Variants in SEC13 observed in about 807,000 individuals in gnomAD.
SEC13 encodes the protein SEC13 homolog, nuclear pore and COPII component.
Under a neutral mutation model 49.2 loss-of-function variants are expected in SEC13, and 25 were observed. The observed-to-expected ratio is 0.51, with a 90% CI of 0.37 to 0.71. SEC13 has a LOEUF of 0.71. Among genes scored for constraint, SEC13 ranks in the 30% least tolerant of loss-of-function variants. The pLI is 0.00. For missense variants in SEC13, 383 were observed against 417.6 expected, an observed-to-expected ratio of 0.92 and a Z score of 0.72; for synonymous variants, 148 against 163.9, an observed-to-expected ratio of 0.90 and a Z score of 0.74.
intron 3 of SEC13, chr3:10,314,103 T>C (rs561407877): frequency 1.2e-4 from 18 of 151,490 alleles, no homozygotes; most frequent in African/African-American, 4.3e-4. Flanking sequence ...AATTCAATTA[T>C]AAATTATACA....
At chr3:10,304,841 C>T (rs1018710829) in intron 7 of SEC13, among the ~76,000 whole-genome samples, 192 bp downstream of exon 7, 2 of 152,236 alleles carry the variant, frequency 1.3e-5, no homozygotes, top group East Asian at 1.9e-4. Flanking sequence ...TGTCTCATCT[C>T]AGTGGAGGCA....
In SEC13 at chr3:10,320,957, G is replaced by A. The variant is rs945256393; in HGVS notation, c.3+93C>T. 8 of 1,579,528 alleles carry A rather than the reference G, an allele frequency of 5.1e-6. No individual in the cohort carries two copies. In the African/African-American group the frequency reaches 1.1e-4, roughly 22 times the overall value. The stretch of plus-strand genomic sequence containing the variant: ...GGTGGAGGGGAGCTGAACGGCTCCA[G>A]CTTGGGATTTGGGACTCAGGACGGC... On this transcript the variant is annotated intron_variant, in intron 1 of 8. Transcript: ENST00000350697.
At chr3:10,320,006 G>GA (rs2059747783) in intron 1 of SEC13, among the ~76,000 whole-genome samples, 1 of 103,202 alleles carries the variant, frequency 9.7e-6, no homozygotes, top group Admixed American at 1.0e-4. Flanking sequence ...GGGAGGGTGG[G>GA]GAGAGAGAGA....
At chr3:10,317,346 G>C (rs190658055) in intron 2 of SEC13, among the ~76,000 whole-genome samples, 2 of 152,338 alleles carry the variant, frequency 1.3e-5, no homozygotes, top group Admixed American at 1.3e-4. Flanking sequence ...TTGGTGGACA[G>C]GTTGTGAGGG....
Position 10,301,112 on chromosome 3 carries a change from C to CAGAT in SEC13, c.*145_*148dup. 6.2e-7 allele frequency: 1 copy of CAGAT among 1,613,544 alleles called. No homozygotes were observed. Among genetic ancestry groups the CAGAT allele is most frequent in the Non-Finnish European group, 8.5e-7 (1 of 1,179,886 alleles). The stretch of plus-strand genomic sequence containing the variant: ...CAAAGCATCTCCGATCACGTTAAGG[C>CAGAT]AGATGATCAATCTGTGGCTGCATCT... On this transcript the variant is annotated 3_prime_UTR_variant, in exon 9 of 9. Coordinates refer to ENST00000350697, the MANE Select transcript of SEC13 (RefSeq NM_183352.3).
At chr3:10,319,270 GT>G (rs766899802) in intron 1 of SEC13, 11 of 1,608,992 alleles carry the variant, frequency 6.8e-6, no homozygotes, top group Admixed American at 1.7e-5. Context: ...GTAAGCACAG[GT>G]TCTCTCATCA....
chr3:10,311,646 T>A (rs3891008), intron 5 of SEC13: 291,294 of 1,193,682 alleles, frequency 0.24, 38,766 homozygotes, highest in East Asian at 0.52. Flanking sequence ...CACCACTCCA[T>A]TCTACAGGGT....
intron 5 of SEC13, chr3:10,311,540 G>T: frequency 1.7e-6 from 1 of 602,094 alleles, no homozygotes; most frequent in Non-Finnish European, 2.1e-6. Context: ...ACTGTCACTC[G>T]CTGATTCACC....
At chr3:10,303,275 A>C (rs1357153769) in intron 8 of SEC13, among the ~76,000 whole-genome samples, 1 of 152,178 alleles carries the variant, frequency 6.6e-6, no homozygotes, top group Non-Finnish European at 1.5e-5. Context: ...GGCGCAGAGC[A>C]GATGTGCCTG....
chr3:10,320,892 G>A, intron 1 of SEC13, 158 bp downstream of exon 1: 1 of 1,445,270 alleles, frequency 6.9e-7, no homozygotes, highest in Non-Finnish European at 9.1e-7. Context: ...CCTCGGAATG[G>A]TCCGCAAGGA....
chr3:10,315,883 G>T (rs1487555297), intron 2 of SEC13, among the ~76,000 whole-genome samples: 1 of 152,216 alleles, frequency 6.6e-6, no homozygotes, highest in Non-Finnish European at 1.5e-5. Context: ...GTGGGCCTCT[G>T]ACTGCCTGGA....
intron 2 of SEC13, among the ~76,000 whole-genome samples, chr3:10,317,282 A>C (rs967171753): frequency 1.3e-5 from 2 of 152,176 alleles, no homozygotes; most frequent in Non-Finnish European, 2.9e-5. Context: ...CTGAATCCAG[A>C]GAACATATAC....
chr3:10,306,636 C>G (rs1700894865), intron 5 of SEC13, among the ~76,000 whole-genome samples: 1 of 152,210 alleles, frequency 6.6e-6, no homozygotes, highest in Admixed American at 6.5e-5. Flanking sequence ...CAAATCTCAT[C>G]TTGAATTCCC....
intron 8 of SEC13, chr3:10,303,550 C>T: frequency 4.6e-6 from 1 of 218,066 alleles, no homozygotes; most frequent in Non-Finnish European, 9.3e-6. Flanking sequence ...GCAAACTCTT[C>T]CAGTGCACCC....
intron 8 of SEC13, among the ~76,000 whole-genome samples, chr3:10,302,393 T>A (rs1559489312): frequency 1.3e-5 from 2 of 152,192 alleles, no homozygotes; most frequent in South Asian, 4.1e-4. Flanking sequence ...GAAAACATAC[T>A]AAGTCCTTTA....
chr3:10,307,988 G>A lies in SEC13; in HGVS notation c.451-2296C>T, dbSNP rs1317461378. Among the ~76,000 whole-genome samples the A allele has an allele frequency of 2.0e-5, 3 of 152,178 alleles. No individual in the cohort carries two copies. In the East Asian group the frequency reaches 5.8e-4, roughly 29 times the overall value. ...TTGTATCCTCTAGTAGATTTCTCAG[G>A]AAGGGCTCCTAGAAACAATAGTCCC... On this transcript the variant is annotated intron_variant, in intron 5 of 8. Transcript: ENST00000350697.
At chr3:10,310,350 G>C (rs1195934027) in intron 5 of SEC13, among the ~76,000 whole-genome samples, 1 of 152,116 alleles carries the variant, frequency 6.6e-6, no homozygotes, top group East Asian at 1.9e-4. Flanking sequence ...AATTAGCCGG[G>C]TGTTGTGGCG....
intron 5 of SEC13, among the ~76,000 whole-genome samples, chr3:10,310,903 C>T (rs1435476578): frequency 1.3e-5 from 2 of 152,054 alleles, no homozygotes. Context: ...CTGATACACG[C>T]TATGATATGG....
In SEC13 at chr3:10,303,159, G is replaced by A. The variant is rs74951240; in HGVS notation, c.855+867C>T. 4.8e-3 allele frequency among the ~76,000 whole-genome samples: 738 copies of A among 152,320 alleles called. 1 individual carries two copies. The highest frequency in any genetic ancestry group is 0.041 in the Middle Eastern group (12 of 294). On this transcript the variant is annotated intron_variant, in intron 8 of 8. Transcript: ENST00000350697. ...TGTGCCGTGAGCCACACAAATGAAA[G>A]GTAAGACATGGAGCCAAAGTGGCCA...
Sources: allele counts gnomAD v4.1 joint callset (sites outside exome capture counted in the v4.1 genomes callset), GRCh38; gene constraint gnomAD v4.1.1; transcripts MANE v1.5; gene names NCBI Gene and HGNC (gene_info 2026-07-23, HGNC 2026-07-21).